ATP8B2: variants seen among roughly 807,000 people sequenced by gnomAD.
ATP8B2 encodes the protein phospholipid-transporting ATPase ID.
ATP8B2 carries 70 observed loss-of-function variants against 133.4 expected under a neutral mutation model. That is an observed-to-expected ratio of 0.52 (90% CI 0.43 to 0.64). The LOEUF (loss-of-function observed/expected upper bound fraction) is 0.64, where lower values mean the gene tolerates loss of function less well. Ranked by LOEUF, ATP8B2 falls within the 30% of genes least tolerant of loss-of-function variation. The pLI, the probability that ATP8B2 is intolerant of heterozygous loss-of-function variation, is 0.00. For missense variants in ATP8B2, 1,101 were observed against 1,535.7 expected, an observed-to-expected ratio of 0.72 and a Z score of 4.73; for synonymous variants, 517 against 589.5, an observed-to-expected ratio of 0.88 and a Z score of 1.78.
chr1:154,338,824 G>A (rs1332818143), intron 12 of ATP8B2: 1 of 152,102 alleles, frequency 6.6e-6, no homozygotes, highest in East Asian at 1.9e-4. Flanking sequence ...AGAAAAAAAT[G>A]CATTCTAAAA....
chr1:154,348,460 C>T lies in ATP8B2; in HGVS notation c.3216C>T (p.Leu1072=), dbSNP rs147890010. The T allele has an allele frequency of 6.8e-6, 11 of 1,614,014 alleles. No homozygotes were observed. Among genetic ancestry groups the T allele is most frequent in the African/African-American group, 4.0e-5 (3 of 75,062 alleles). Reference sequence around the variant, plus strand: ...CCACGGTGTGGCTGACCATTGTGCTCACCACAGTCGTCTGCATCATGCCCG... The same window carrying T: ...CCACGGTGTGGCTGACCATTGTGCTTACCACAGTCGTCTGCATCATGCCCG... ...AQPTVWLTIV[L]TTVVCIMPVV... The change falls in exon 27 of 28, where the codon CTC becomes CTT. Residue 1072 remains leucine, a synonymous_variant. Transcript: ENST00000368489.
chr1:154,328,065 C>A lies in ATP8B2; in HGVS notation c.-37-40C>A. Reference sequence around the variant, plus strand: ...TCTCATGAGGGGAGGGAAGGGTTATCCTCAGCTTCCTGACCTCATTCGTCT... The same window carrying A: ...TCTCATGAGGGGAGGGAAGGGTTATACTCAGCTTCCTGACCTCATTCGTCT... On this transcript the variant is annotated intron_variant, in intron 1 of 27. Coordinates refer to ENST00000368489, the MANE Select transcript of ATP8B2 (RefSeq NM_001370597.1). This position sits in a 1 kb window ranked among gnomAD's most constrained non-coding sequence, Gnocchi z 4.6. The A allele has an allele frequency of 6.3e-7, 1 of 1,598,948 alleles. No homozygotes were observed. The highest frequency in any genetic ancestry group is 8.6e-7 in the Non-Finnish European group (1 of 1,166,228).
chr1:154,345,678 G>A lies in ATP8B2; in HGVS notation c.2695-122G>A. ...TACTCTTAAAAAATGCTTATTAAAG[G>A]AGGAGAGAAGGAGCCTCAGAAAATT... is the stretch of plus-strand genomic sequence containing the variant. On this transcript the variant is annotated intron_variant, in intron 23 of 27. Coordinates refer to ENST00000368489, the MANE Select transcript of ATP8B2 (RefSeq NM_001370597.1). This position sits in a 1 kb window ranked among gnomAD's most constrained non-coding sequence, Gnocchi z 5.6. 5.3e-6 allele frequency: 7 copies of A among 1,309,362 alleles called. No homozygotes were observed. The South Asian group carries it at 8.9e-5, about 17-fold the overall frequency. The allele number at this position is 1,309,362 out of a possible 1,614,324, so 81.1% of individuals were successfully genotyped here.
chr1:154,334,036 C>T lies in ATP8B2; in HGVS notation c.590-71C>T, dbSNP rs1686093049. 4.5e-6 allele frequency: 7 copies of T among 1,559,982 alleles called. No homozygotes were observed. Among genetic ancestry groups the T allele is most frequent in the African/African-American group, 1.4e-5 (1 of 73,544 alleles). The stretch of plus-strand genomic sequence containing the variant: ...ATCCTCTTCGCTCAGCTCATTTTCT[C>T]TTTGTTTTATTGTCTTGTGGTTAGG... On this transcript the variant is annotated intron_variant, in intron 9 of 27. Coordinates refer to ENST00000368489, the MANE Select transcript of ATP8B2 (RefSeq NM_001370597.1). This position sits in a 1 kb window ranked among gnomAD's most constrained non-coding sequence, Gnocchi z 4.6.
In ATP8B2 at chr1:154,349,228, C is replaced by G; in HGVS notation, c.*110C>G. 1 of 1,368,318 alleles carries G rather than the reference C, an allele frequency of 7.3e-7. No individual in the cohort carries two copies. 84.8% of individuals were successfully genotyped at this position (1,368,318 alleles called of 1,614,324 possible). On this transcript the variant is annotated 3_prime_UTR_variant, in exon 28 of 28. Transcript: ENST00000368489. ...GTCCTCATTCCTTGCTTCCCGTCCC[C>G]CCGGTAGACTCTGTCCTGCTGGTCC...
chr1:154,350,696 G>A lies in ATP8B2; in HGVS notation c.*1578G>A, dbSNP rs918136441. The A allele has an allele frequency of 2.0e-5, 3 of 152,366 alleles. No individual in the cohort carries two copies. The highest frequency in any genetic ancestry group is 7.2e-5 in the African/African-American group (3 of 41,468). The allele number at this position is 152,366 out of a possible 1,614,324, so 9.4% of individuals were successfully genotyped here. A position where few individuals can be genotyped will look rare whatever the true frequency, so the allele number is the denominator to read the frequency against. Reference sequence around the variant, plus strand: ...CCTGGCTTGGTCTGGATGGGACACTGTCAGAGTTTGGCCACAGCCTGTCCT... The same window carrying A: ...CCTGGCTTGGTCTGGATGGGACACTATCAGAGTTTGGCCACAGCCTGTCCT... On this transcript the variant is annotated 3_prime_UTR_variant, in exon 28 of 28. Transcript: ENST00000368489.
In ATP8B2 at chr1:154,346,015, G is replaced by GGTGT; in HGVS notation, c.2778+134_2778+137dup. The GGTGT allele has an allele frequency of 9.1e-7, 1 of 1,093,794 alleles. No individual in the cohort carries two copies. Among genetic ancestry groups the GGTGT allele is most frequent in the African/African-American group, 1.5e-5 (1 of 64,590 alleles). 67.8% of individuals were successfully genotyped at this position (1,093,794 alleles called of 1,614,324 possible). A position where few individuals can be genotyped will look rare whatever the true frequency, so the allele number is the denominator to read the frequency against. ...GAAGGCAGTTCTTTCAGCCGGGGAA[G>GGTGT]GTGTGGCTGGTTCTCCCTCCTGGCT... is the stretch of plus-strand genomic sequence containing the variant. On this transcript the variant is annotated intron_variant, in intron 24 of 27. Transcript: ENST00000368489. The surrounding 1 kb of genome is among the most constrained non-coding windows in gnomAD (Gnocchi z 4.5).
In ATP8B2 at chr1:154,331,584, C is replaced by T. The variant is rs1204781098; in HGVS notation, c.366-22C>T. ...CCTCTTTAGCTCCTGACAGCCTCTT[C>T]ACTGTCTTCTCGTTGCCTCAGCCTC... On this transcript the variant is annotated intron_variant, in intron 6 of 27. Coordinates refer to ENST00000368489, the MANE Select transcript of ATP8B2 (RefSeq NM_001370597.1). The surrounding 1 kb of genome is among the most constrained non-coding windows in gnomAD (Gnocchi z 4.8). 2 of 1,613,956 alleles carry T rather than the reference C, an allele frequency of 1.2e-6. No individual in the cohort carries two copies. Among genetic ancestry groups the T allele is most frequent in the Admixed American group, 1.7e-5 (1 of 60,004 alleles).
intron 2 of ATP8B2, chr1:154,329,070 G>C (rs1249845662): frequency 4.8e-5 from 63 of 1,301,578 alleles, no homozygotes; most frequent in Non-Finnish European, 6.2e-5. Flanking sequence ...CCCTCTTGGG[G>C]GACAGGTAAC....
rs967331702 is a variant in ATP8B2, at chr1:154,340,737, C to G, written c.1035-117C>G. 3.1e-6 allele frequency: 3 copies of G among 955,210 alleles called. No individual in the cohort carries two copies. Among genetic ancestry groups the G allele is most frequent in the Non-Finnish European group, 4.9e-6 (3 of 611,072 alleles). 59.2% of individuals were successfully genotyped at this position (955,210 alleles called of 1,614,324 possible). On this transcript the variant is annotated intron_variant, in intron 12 of 27. Transcript: ENST00000368489. The surrounding 1 kb of genome is among the most constrained non-coding windows in gnomAD (Gnocchi z 4.0). ...CCTTTCCCACCCAGGTTTCTGTGCC[C>G]AGGTGTCTTCTCCGTTCTTGTCTCT...
rs1686553659 is a variant in ATP8B2 at position 154,345,567 on chromosome 1, C to T, written c.2694+22C>T. On this transcript the variant is annotated intron_variant, in intron 23 of 27. Coordinates refer to ENST00000368489, the MANE Select transcript of ATP8B2 (RefSeq NM_001370597.1). This position sits in a 1 kb window ranked among gnomAD's most constrained non-coding sequence, Gnocchi z 5.6. The stretch of plus-strand genomic sequence containing the variant: ...CCAGGTAATAAATGTTCCCAGTCCA[C>T]TGTTGTGCAAATCTGTAAACCTGAG... 1.9e-6 allele frequency: 3 copies of T among 1,588,024 alleles called. No homozygotes were observed. The highest frequency in any genetic ancestry group is 2.2e-5 in the South Asian group (2 of 89,904).
Position 154,331,847 on chromosome 1 carries a change from A to C in ATP8B2, c.439-107A>C. ...TATGCCTGGAACTAGCCATTTATGCACCTGGAACTAAGCAAACCAAGAATG... is the reference window on the plus strand; with the variant it reads ...TATGCCTGGAACTAGCCATTTATGCCCCTGGAACTAAGCAAACCAAGAATG... On this transcript the variant is annotated intron_variant, in intron 7 of 27. Transcript: ENST00000368489. The surrounding 1 kb of genome is among the most constrained non-coding windows in gnomAD (Gnocchi z 4.8). The C allele has an allele frequency of 7.4e-7, 1 of 1,344,744 alleles. No individual in the cohort carries two copies. Among genetic ancestry groups the C allele is most frequent in the Non-Finnish European group, 1.1e-6 (1 of 940,002 alleles). 83.3% of individuals were successfully genotyped at this position (1,344,744 alleles called of 1,614,324 possible). A position where few individuals can be genotyped will look rare whatever the true frequency, so the allele number is the denominator to read the frequency against.
rs1343317710 is a variant in ATP8B2, at chr1:154,344,919, TC to T, written c.2287-49del. On this transcript the variant is annotated intron_variant, in intron 21 of 27. Coordinates refer to ENST00000368489, the MANE Select transcript of ATP8B2 (RefSeq NM_001370597.1). The surrounding 1 kb of genome is among the most constrained non-coding windows in gnomAD (Gnocchi z 4.1). ...AAAGGGGACTGGGAGGAGCTGAGACTCCCAGGTGTCTCCTGGAAAGACTGGC... is the reference window on the plus strand; with the variant it reads ...AAAGGGGACTGGGAGGAGCTGAGACTCCAGGTGTCTCCTGGAAAGACTGGC... 1 of 1,568,256 alleles carries T rather than the reference TC, an allele frequency of 6.4e-7. No individual in the cohort carries two copies. The highest frequency in any genetic ancestry group is 8.7e-7 in the Non-Finnish European group (1 of 1,155,588).
intron 12 of ATP8B2, among the ~76,000 whole-genome samples, chr1:154,338,368 AG>A (rs1686261713): frequency 6.6e-6 from 1 of 152,176 alleles, no homozygotes; most frequent in African/African-American, 2.4e-5. Context: ...AACCATTAAA[AG>A]TTATTGAAAA....
At chr1:154,339,978 T>TC (rs1332617022) in intron 12 of ATP8B2, among the ~76,000 whole-genome samples, 1 of 152,032 alleles carries the variant, frequency 6.6e-6, no homozygotes, top group African/African-American at 2.4e-5. Context: ...GTTCAGGAAT[T>TC]CAAGACCAGT....
In ATP8B2 at chr1:154,331,906, G is replaced by C. The variant is rs772075611; in HGVS notation, c.439-48G>C. The C allele has an allele frequency of 9.0e-6, 14 of 1,560,238 alleles. No individual in the cohort carries two copies. The highest frequency in any genetic ancestry group is 7.8e-5 in the South Asian group (7 of 89,894). ...AAGGAGCCACCATTACAGCCCACTG[G>C]GGGTGGAGGTTTGCATATTTGGACT... On this transcript the variant is annotated intron_variant, in intron 7 of 27. Coordinates refer to ENST00000368489, the MANE Select transcript of ATP8B2 (RefSeq NM_001370597.1). This position sits in a 1 kb window ranked among gnomAD's most constrained non-coding sequence, Gnocchi z 4.8.
At position 154,345,919 on chromosome 1, in the gene ATP8B2, G is replaced by A; in HGVS notation, c.2778+36G>A. 1.9e-6 allele frequency: 3 copies of A among 1,547,568 alleles called. No individual in the cohort carries two copies. The highest frequency in any genetic ancestry group is 1.8e-6 in the Non-Finnish European group (2 of 1,120,052). On this transcript the variant is annotated intron_variant, in intron 24 of 27. Transcript: ENST00000368489. This position sits in a 1 kb window ranked among gnomAD's most constrained non-coding sequence, Gnocchi z 5.6. Reference sequence around the variant, plus strand: ...GTTTGATGATCAGATGGGATGCGGGGAAGGTCACTGCTTGAAGGAGTCACA... The same window carrying A: ...GTTTGATGATCAGATGGGATGCGGGAAAGGTCACTGCTTGAAGGAGTCACA...
At chr1:154,337,576 A>G (rs779354049) in intron 12 of ATP8B2, 32 bp downstream of exon 12, 2 of 1,614,166 alleles carry the variant, frequency 1.2e-6, no homozygotes, top group Admixed American at 1.7e-5. Context: ...GGGTCTCTCC[A>G]GGGAGTCAGG....
chr1:154,347,137 AC>A (rs1185090746), intron 26 of ATP8B2, among the ~76,000 whole-genome samples: 4 of 151,932 alleles, frequency 2.6e-5, no homozygotes, highest in Non-Finnish European at 5.9e-5. Flanking sequence ...TGATCCACTC[AC>A]CTCGGCCTCC....
Sources: allele counts gnomAD v4.1 joint callset (sites outside exome capture counted in the v4.1 genomes callset), GRCh38; gene constraint gnomAD v4.1.1; non-coding constraint Gnocchi (gnomAD v3.1); transcripts MANE v1.5; gene names NCBI Gene and HGNC (gene_info 2026-07-23, HGNC 2026-07-21).